ZNF705G: variants seen among roughly 807,000 people sequenced by gnomAD.
ZNF705G encodes putative zinc finger protein 705G.
Under a neutral mutation model 19.6 loss-of-function variants are expected in ZNF705G, and 23 were observed. The ratio of observed to expected loss-of-function variants is 1.17; its 90% CI spans 0.84 to 1.66. The LOEUF (loss-of-function observed/expected upper bound fraction) is 1.66, where lower values mean the gene tolerates loss of function less well. Among genes scored for constraint, ZNF705G ranks in the 40% most tolerant of loss-of-function variants. The probability of loss-of-function intolerance (pLI) is 0.00; values close to 1 mark genes in which losing one functional copy is unlikely to be tolerated. For missense variants in ZNF705G, 457 were observed against 354.4 expected (o/e 1.29, Z -2.32); for synonymous variants, 146 against 117.7 (o/e 1.24, Z -1.56).
intron 2 of ZNF705G, among the ~76,000 whole-genome samples, chr8:7,367,176 T>C (rs1806894958): frequency 6.7e-6 from 1 of 149,462 alleles, no homozygotes; most frequent in African/African-American, 2.6e-5. Context: ...GCTGCCTTGA[T>C]GGGACAAATG....
At chr8:7,362,801 G>A in intron 3 of ZNF705G, 134 bp downstream of exon 3, 1 of 1,576,142 alleles carries the variant, frequency 6.3e-7, no homozygotes, top group South Asian at 1.1e-5. Flanking sequence ...CACCCAGGCA[G>A]GGTGGATTTT....
Position 7,359,808 on chromosome 8 carries a change from G to A in ZNF705G, c.236-107C>T, listed in dbSNP as rs1171960340. 94 of 1,520,470 alleles carry A rather than the reference G, an allele frequency of 6.2e-5. 1 individual carries two copies. In the South Asian group the frequency reaches 8.9e-4, roughly 14 times the overall value. 94.2% of individuals were successfully genotyped at this position (1,520,470 alleles called of 1,614,324 possible). ...TTTCAAAAATTGACACGTAGATGTG[G>A]CAAGTGTGTCAAATGAAGAAACTAC... On this transcript the variant is annotated intron_variant, in intron 5 of 6. Transcript: ENST00000400156.
At chr8:7,363,438 C>T (rs1366636768) in intron 2 of ZNF705G, among the ~76,000 whole-genome samples, 3 of 148,834 alleles carry the variant, frequency 2.0e-5, no homozygotes, top group Non-Finnish European at 4.4e-5. Flanking sequence ...CAACACCCAC[C>T]ACAGCCTTCT....
chr8:7,364,267 C>CTAAAAATA (rs1204652213), intron 2 of ZNF705G, among the ~76,000 whole-genome samples: 1 of 149,232 alleles, frequency 6.7e-6, no homozygotes, highest in East Asian at 1.9e-4. Context: ...TATTTCCCTG[C>CTAAAAATA]TAAAAATATA....
In ZNF705G at chr8:7,365,442, G is replaced by C. The variant is rs1457128848; in HGVS notation, c.-71-2425C>G. 4.2e-5 allele frequency among the ~76,000 whole-genome samples: 6 copies of C among 144,388 alleles called. 1 individual carries two copies. The highest frequency in any genetic ancestry group is 1.7e-4 in the African/African-American group (6 of 35,638). 94.7% of individuals were successfully genotyped at this position (144,388 alleles called of 152,430 possible). On this transcript the variant is annotated intron_variant, in intron 2 of 6. Coordinates refer to ENST00000400156, the MANE Select transcript of ZNF705G (RefSeq NM_001164457.3). ...TGCCCAGGCTGGAGTGCAGTGGCGC[G>C]ATCTCGGCTCACCGCAACCTCCACC...
At chr8:7,367,470 G>C (rs372323279) in intron 2 of ZNF705G, among the ~76,000 whole-genome samples, 3 of 149,444 alleles carry the variant, frequency 2.0e-5, no homozygotes, top group South Asian at 4.2e-4. Flanking sequence ...CCGGGGGCAC[G>C]CTCCACCGGA....
intron 2 of ZNF705G, among the ~76,000 whole-genome samples, chr8:7,379,415 A>C (rs1483556631): frequency 6.8e-6 from 1 of 147,348 alleles, no homozygotes; most frequent in Admixed American, 6.6e-5. Flanking sequence ...CGTCACATAG[A>C]ATATTATCCT....
chr8:7,365,660 G>A (rs879771188), intron 2 of ZNF705G, among the ~76,000 whole-genome samples: 26 of 149,412 alleles, frequency 1.7e-4, no homozygotes, highest in Non-Finnish European at 3.4e-4. Flanking sequence ...GTGAGCCACC[G>A]TGCCCGGCCC....
chr8:7,367,085 A>G (rs1167008528), intron 2 of ZNF705G, among the ~76,000 whole-genome samples: 9 of 149,772 alleles, frequency 6.0e-5, no homozygotes, highest in Non-Finnish European at 1.3e-4. Context: ...CAAAACAAAA[A>G]TGGAAAAGGC....
Position 7,382,601 on chromosome 8 carries a change from G to A in ZNF705G, c.-221-1000C>T, listed in dbSNP as rs567187154. On this transcript the variant is annotated intron_variant, in intron 1 of 6. Coordinates refer to ENST00000400156, the MANE Select transcript of ZNF705G (RefSeq NM_001164457.3). The stretch of plus-strand genomic sequence containing the variant: ...TTATTTTTAATGCCAGACCATGTAA[G>A]GGCAGCTATTTTAAAATTGCGTTTT... 2.7e-5 allele frequency among the ~76,000 whole-genome samples: 4 copies of A among 146,228 alleles called. 1 individual carries two copies. Among genetic ancestry groups the A allele is most frequent in the South Asian group, 2.1e-4 (1 of 4,740 alleles).
At chr8:7,369,856 G>A (rs1238306651) in intron 2 of ZNF705G, among the ~76,000 whole-genome samples, 1 of 149,068 alleles carries the variant, frequency 6.7e-6, no homozygotes, top group Non-Finnish European at 1.5e-5. Flanking sequence ...TGGACGTAAA[G>A]ATCAGAACAA....
intron 3 of ZNF705G, among the ~76,000 whole-genome samples, chr8:7,361,872 A>G (rs1317127152): frequency 6.7e-6 from 1 of 149,730 alleles, no homozygotes. Flanking sequence ...TGCAGAATAT[A>G]GGATTCAATT....
At position 7,357,432 on chromosome 8, in the gene ZNF705G, T is replaced by C. The variant is rs1178881732; in HGVS notation, c.*544A>G. The C allele has an allele frequency of 6.0e-6, 1 of 165,380 alleles. No individual in the cohort carries two copies. Among genetic ancestry groups the C allele is most frequent in the Non-Finnish European group, 1.3e-5 (1 of 77,146 alleles). 10.2% of individuals were successfully genotyped at this position (165,380 alleles called of 1,614,324 possible). On this transcript the variant is annotated 3_prime_UTR_variant, in exon 7 of 7. Coordinates refer to ENST00000400156, the MANE Select transcript of ZNF705G (RefSeq NM_001164457.3). ...TTCACAGAAAATACAAATAAAGGGT[T>C]CATCCAAGTAAAGTTTTCTCATGTT...
In ZNF705G at chr8:7,355,646, G is replaced by A. The variant is rs1334176468; in HGVS notation, c.*2330C>T. 4.7e-5 allele frequency: 7 copies of A among 149,660 alleles called. No individual in the cohort carries two copies. Among genetic ancestry groups the A allele is most frequent in the African/African-American group, 7.7e-5 (3 of 39,070 alleles). 9.3% of individuals were successfully genotyped at this position (149,660 alleles called of 1,614,324 possible). A position where few individuals can be genotyped will look rare whatever the true frequency, so the allele number is the denominator to read the frequency against. Reference sequence around the variant, plus strand: ...GAATAAGAGAAGCATTCTGTGTTACGCTTTAATAATGGCTGGAGATCTGCC... The same window carrying A: ...GAATAAGAGAAGCATTCTGTGTTACACTTTAATAATGGCTGGAGATCTGCC... On this transcript the variant is annotated 3_prime_UTR_variant, in exon 7 of 7. Transcript: ENST00000400156.
rs866552277 is a variant in ZNF705G at position 7,360,997 on chromosome 8, G to C, written c.139+113C>G. The C allele has an allele frequency of 5.1e-6, 8 of 1,569,002 alleles. 1 individual carries two copies. In the African/African-American group the frequency reaches 8.8e-5, roughly 17 times the overall value. Reference sequence around the variant, plus strand: ...TTCAAACCTTTTTCAGATGAGATCTGTGAGAGAATCAGAGAAGAGATTAGA... The same window carrying C: ...TTCAAACCTTTTTCAGATGAGATCTCTGAGAGAATCAGAGAAGAGATTAGA... On this transcript the variant is annotated intron_variant, in intron 4 of 6. Coordinates refer to ENST00000400156, the MANE Select transcript of ZNF705G (RefSeq NM_001164457.3).
intron 2 of ZNF705G, among the ~76,000 whole-genome samples, chr8:7,379,182 A>C (rs1299711936): frequency 6.7e-6 from 1 of 148,518 alleles, no homozygotes; most frequent in Non-Finnish European, 1.5e-5. Context: ...AAACAATGTT[A>C]AGTTATGTCA....
intron 4 of ZNF705G, 47 bp downstream of exon 4, chr8:7,361,063 T>G (rs188339105): frequency 6.3e-7 from 1 of 1,592,640 alleles, no homozygotes; most frequent in Non-Finnish European, 8.5e-7. Flanking sequence ...ATTGAATGAA[T>G]GAGTGAATGT....
chr8:7,364,646 C>A (rs1229473422), intron 2 of ZNF705G, among the ~76,000 whole-genome samples: 1 of 149,636 alleles, frequency 6.7e-6, no homozygotes, highest in African/African-American at 2.6e-5. Context: ...AGTATTTAGA[C>A]CCCAGGTCCC....
intron 3 of ZNF705G, among the ~76,000 whole-genome samples, chr8:7,361,524 A>C (rs192646690): frequency 9.7e-4 from 145 of 149,832 alleles, no homozygotes; most frequent in Admixed American, 2.5e-3. Flanking sequence ...TACATAACTG[A>C]TTATAAAATT....
Sources: allele counts gnomAD v4.1 joint callset (sites outside exome capture counted in the v4.1 genomes callset), GRCh38; gene constraint gnomAD v4.1.1; transcripts MANE v1.5; gene names NCBI Gene and HGNC (gene_info 2026-07-23, HGNC 2026-07-21).